Variants in DLG2 observed in about 807,000 individuals in gnomAD.
DLG2 encodes the protein discs large MAGUK scaffold protein 2.
Under a neutral mutation model 132.5 loss-of-function variants are expected in DLG2, and 45 were observed. The observed-to-expected ratio is 0.34, with a 90% CI of 0.27 to 0.44. The LOEUF (loss-of-function observed/expected upper bound fraction) is 0.44, where lower values mean the gene tolerates loss of function less well. Among genes scored for constraint, DLG2 ranks in the 20% least tolerant of loss-of-function variants. The pLI, the probability that DLG2 is intolerant of heterozygous loss-of-function variation, is 1.00. For missense variants in DLG2, 1,045 were observed against 1,196.9 expected, an observed-to-expected ratio of 0.87 and a Z score of 1.87; for synonymous variants, 424 against 419.6, an observed-to-expected ratio of 1.01 and a Z score of -0.13.
intron 6 of DLG2, among the ~76,000 whole-genome samples, chr11:84,621,279 T>C (rs1004285488): frequency 1.3e-5 from 2 of 152,134 alleles, no homozygotes; most frequent in Non-Finnish European, 2.9e-5. Context: ...AAAAATTCAA[T>C]GTAGAAAAAT....
chr11:85,361,967 A>G (rs1473009378), intron 3 of DLG2, among the ~76,000 whole-genome samples: 1 of 152,028 alleles, frequency 6.6e-6, no homozygotes, highest in Non-Finnish European at 1.5e-5. Context: ...CTTGTCATCT[A>G]TGATTTAGTT....
intron 15 of DLG2, among the ~76,000 whole-genome samples, chr11:83,923,434 C>T (rs1159625537): frequency 1.3e-5 from 2 of 152,128 alleles, no homozygotes; most frequent in East Asian, 1.9e-4. Flanking sequence ...AAATGGGAGG[C>T]TTCAGACCTA....
chr11:84,547,768 G>A (rs879374968), intron 6 of DLG2, among the ~76,000 whole-genome samples: 2 of 152,096 alleles, frequency 1.3e-5, no homozygotes, highest in Non-Finnish European at 2.9e-5. Flanking sequence ...AATGGGAAGA[G>A]TTCACAATTC....
intron 7 of DLG2, among the ~76,000 whole-genome samples, chr11:84,405,379 A>T (rs535776571): frequency 4.6e-5 from 7 of 152,252 alleles, no homozygotes; most frequent in Non-Finnish European, 7.4e-5. Context: ...TCTGCCTGAC[A>T]TGCTCTATGT....
chr11:84,280,389 C>A (rs1477070304), intron 7 of DLG2, among the ~76,000 whole-genome samples: 5 of 151,982 alleles, frequency 3.3e-5, no homozygotes, highest in Admixed American at 2.6e-4. Context: ...ATGCCTCAGC[C>A]TCCCAAATAG....
At chr11:84,147,966 TA>T (rs1429338817) in intron 9 of DLG2, among the ~76,000 whole-genome samples, 3 of 152,008 alleles carry the variant, frequency 2.0e-5, no homozygotes, top group African/African-American at 4.8e-5. Flanking sequence ...TTTTTATTTT[TA>T]TTTTTTTTAC....
At chr11:85,067,220 T>G (rs1349398607) in intron 6 of DLG2, among the ~76,000 whole-genome samples, 3 of 151,896 alleles carry the variant, frequency 2.0e-5, no homozygotes, top group Non-Finnish European at 4.4e-5. Flanking sequence ...TTGCGTCTAT[T>G]TGATTCTTCT....
chr11:83,639,649 C>T (rs546138446), intron 18 of DLG2, among the ~76,000 whole-genome samples: 2 of 151,876 alleles, frequency 1.3e-5, no homozygotes, highest in African/African-American at 4.8e-5. Flanking sequence ...GGAGATATAC[C>T]TAATGTTAAA....
chr11:83,527,034 T>C (rs1350480820), intron 21 of DLG2, among the ~76,000 whole-genome samples: 3 of 152,212 alleles, frequency 2.0e-5, no homozygotes, highest in African/African-American at 7.2e-5. Flanking sequence ...TAAAGGTTTA[T>C]TAAATAAATG....
chr11:84,828,165 G>A (rs901292754), intron 6 of DLG2, among the ~76,000 whole-genome samples: 3 of 151,772 alleles, frequency 2.0e-5, no homozygotes, highest in African/African-American at 7.2e-5. Context: ...GATAGGCAGG[G>A]GCAGGAGAGA....
At chr11:83,494,346 T>C (rs1182360708) in intron 21 of DLG2, among the ~76,000 whole-genome samples, 1 of 150,122 alleles carries the variant, frequency 6.7e-6, no homozygotes, top group African/African-American at 2.5e-5. Flanking sequence ...GATTATTTCT[T>C]GTAAACCCGC....
chr11:84,190,729 G>C (rs1378875865), intron 8 of DLG2, among the ~76,000 whole-genome samples: 1 of 152,166 alleles, frequency 6.6e-6, no homozygotes, highest in Admixed American at 6.6e-5. Context: ...GCAATGTTCT[G>C]GAGCTAAAAG....
chr11:84,846,247 T>A (rs574859517), intron 6 of DLG2, among the ~76,000 whole-genome samples: 63 of 152,246 alleles, frequency 4.1e-4, no homozygotes, highest in African/African-American at 1.5e-3. Flanking sequence ...AAATCTTCAC[T>A]TATGTGTCTA....
intron 19 of DLG2, among the ~76,000 whole-genome samples, chr11:83,614,836 C>G (rs1164480089): frequency 1.3e-5 from 2 of 152,172 alleles, no homozygotes; most frequent in Non-Finnish European, 2.9e-5. Context: ...ACTGATACTT[C>G]CAGCAAAAGA....
At chr11:84,276,556 A>C (rs901618214) in intron 7 of DLG2, among the ~76,000 whole-genome samples, 2 of 152,108 alleles carry the variant, frequency 1.3e-5, no homozygotes, top group African/African-American at 4.8e-5. Context: ...TTCTACTATC[A>C]CTCAGTGTGC....
chr11:83,778,869 T>G (rs1320150081), intron 18 of DLG2, among the ~76,000 whole-genome samples: 1 of 151,990 alleles, frequency 6.6e-6, no homozygotes, highest in Non-Finnish European at 1.5e-5. Context: ...AGATGGAGGT[T>G]GGGGAGGAAA....
chr11:85,336,753 G>A (rs2082161135), intron 3 of DLG2, among the ~76,000 whole-genome samples: 1 of 152,182 alleles, frequency 6.6e-6, no homozygotes, highest in South Asian at 2.1e-4. Context: ...GAGCACAGTT[G>A]CTTCAATCTC....
chr11:84,416,362 G>A (rs1008485022), intron 7 of DLG2, among the ~76,000 whole-genome samples: 1 of 152,130 alleles, frequency 6.6e-6, no homozygotes, highest in African/African-American at 2.4e-5. Context: ...AGATGTCTAT[G>A]GATGTACAGC....
At chr11:84,285,856 TATAG>T (rs2097904473) in intron 7 of DLG2, among the ~76,000 whole-genome samples, 1 of 152,224 alleles carries the variant, frequency 6.6e-6, no homozygotes, top group Admixed American at 6.5e-5. Context: ...ATCATCTATA[TATAG>T]ATAGTGTCCA....
Sources: gnomAD v4.1 joint callset for allele counts (sites outside exome capture counted in the v4.1 genomes callset) on GRCh38, gnomAD v4.1.1 for gene constraint, MANE v1.5 for transcripts, NCBI Gene and HGNC (gene_info 2026-07-23, HGNC 2026-07-21) for gene names.